Variants in SOX5 observed in about 807,000 individuals in gnomAD.
SOX5 encodes transcription factor SOX-5.
SOX5 carries 9 observed loss-of-function variants against 92.0 expected under a neutral mutation model. The observed-to-expected ratio is 0.10, with a 90% CI of 0.06 to 0.17. SOX5 has a LOEUF of 0.17. SOX5 is among the 10% of genes least tolerant of loss of function. The pLI is 1.00. For missense variants in SOX5, 642 were observed against 944.5 expected (o/e 0.68, Z 4.20); for synonymous variants, 344 against 336.3 (o/e 1.02, Z -0.25).
chr12:24,057,742 AT>A (rs199515083), intron 4 of SOX5, among the ~76,000 whole-genome samples: 2 of 145,898 alleles, frequency 1.4e-5, no homozygotes, highest in South Asian at 2.2e-4. Context: ...CTATAAATAC[AT>A]TTTTTTTCTT....
intron 2 of SOX5, among the ~76,000 whole-genome samples, chr12:24,277,803 T>C (rs1252777618): frequency 6.6e-6 from 1 of 152,036 alleles, no homozygotes; most frequent in South Asian, 2.1e-4. Flanking sequence ...GGTGTCCTCT[T>C]AGGTCTCTTC....
intron 3 of SOX5, among the ~76,000 whole-genome samples, chr12:23,810,506 A>G (rs1180029472): frequency 2.0e-5 from 3 of 152,164 alleles, no homozygotes; most frequent in African/African-American, 7.2e-5. Context: ...AGCTGACAGG[A>G]TTAATTTAAA....
chr12:23,578,101 C>G (rs1949461943), intron 9 of SOX5, among the ~76,000 whole-genome samples: 1 of 71,462 alleles, frequency 1.4e-5, no homozygotes, highest in African/African-American at 5.5e-5. Context: ...GCCTGCGCAA[C>G]AGAGTGAGAC....
At chr12:23,600,366 T>G (rs1277588643) in intron 9 of SOX5, among the ~76,000 whole-genome samples, 2 of 151,604 alleles carry the variant, frequency 1.3e-5, no homozygotes, top group African/African-American at 4.8e-5. Context: ...TGGAGTAAGA[T>G]CCAAAAGGGA....
chr12:24,218,107 A>G (rs1410399796), intron 3 of SOX5, among the ~76,000 whole-genome samples: 1 of 152,208 alleles, frequency 6.6e-6, no homozygotes, highest in East Asian at 1.9e-4. Context: ...AAAATGACCC[A>G]GCCATTCTAC....
At chr12:24,124,562 CAAAAAA>C (rs35701853) in intron 4 of SOX5, among the ~76,000 whole-genome samples, 2 of 133,666 alleles carry the variant, frequency 1.5e-5, no homozygotes, top group East Asian at 2.1e-4. Flanking sequence ...AGGAATGGGA[CAAAAAA>C]AAAAAAAGAA....
intron 3 of SOX5, among the ~76,000 whole-genome samples, chr12:24,255,417 G>A (rs76810625): frequency 0.023 from 3,497 of 152,174 alleles, 107 homozygotes; most frequent in African/African-American, 0.074. Flanking sequence ...TGGTTTACAC[G>A]TTTTTAGCAA....
At chr12:24,122,536 A>G (rs1948732496) in intron 4 of SOX5, among the ~76,000 whole-genome samples, 1 of 152,182 alleles carries the variant, frequency 6.6e-6, no homozygotes. Context: ...GGCGCATTAC[A>G]CTTGTTTTTG....
At chr12:24,359,317 A>G (rs1029084560) in intron 2 of SOX5, among the ~76,000 whole-genome samples, 5 of 152,174 alleles carry the variant, frequency 3.3e-5, no homozygotes, top group African/African-American at 1.2e-4. Flanking sequence ...ATTACTCATG[A>G]AGTTAAGGCT....
intron 10 of SOX5, among the ~76,000 whole-genome samples, chr12:23,573,596 G>A (rs1252695959): frequency 6.6e-6 from 1 of 152,152 alleles, no homozygotes; most frequent in Non-Finnish European, 1.5e-5. Flanking sequence ...TAAAAAAAGT[G>A]TAGTTGTTCT....
intron 1 of SOX5, among the ~76,000 whole-genome samples, chr12:24,488,117 C>G (rs958525748): frequency 4.6e-5 from 7 of 152,066 alleles, no homozygotes; most frequent in African/African-American, 1.7e-4. Context: ...GAAAAAAATG[C>G]TGACAGTTGA....
intron 2 of SOX5, among the ~76,000 whole-genome samples, chr12:23,869,400 C>A (rs1019297135): frequency 6.6e-6 from 1 of 152,130 alleles, no homozygotes; most frequent in Admixed American, 6.6e-5. Flanking sequence ...CTCTCCACCT[C>A]CACACACATT....
intron 8 of SOX5, among the ~76,000 whole-genome samples, chr12:23,625,794 A>C (rs546391249): frequency 1.7e-4 from 26 of 152,218 alleles, no homozygotes; most frequent in Non-Finnish European, 2.9e-4. Context: ...TTTTTAATAG[A>C]GATGGGGTTT....
At chr12:23,630,096 T>C (rs2078339914) in intron 8 of SOX5, among the ~76,000 whole-genome samples, 1 of 151,972 alleles carries the variant, frequency 6.6e-6, no homozygotes, top group Non-Finnish European at 1.5e-5. Flanking sequence ...AAAATATTTT[T>C]ATATGATTTA....
chr12:23,956,927 G>C (rs1946356866), intron 4 of SOX5, among the ~76,000 whole-genome samples: 1 of 152,022 alleles, frequency 6.6e-6, no homozygotes, highest in Non-Finnish European at 1.5e-5. Context: ...GCCTCCCAAA[G>C]TGCTGGGATG....
At chr12:23,708,460 G>C (rs925849426) in intron 6 of SOX5, among the ~76,000 whole-genome samples, 2 of 152,126 alleles carry the variant, frequency 1.3e-5, no homozygotes, top group African/African-American at 4.8e-5. Flanking sequence ...AAATTGAAGA[G>C]GGTCTTCAGT....
At chr12:23,978,713 A>G (rs967228794) in intron 4 of SOX5, among the ~76,000 whole-genome samples, 7 of 152,186 alleles carry the variant, frequency 4.6e-5, no homozygotes, top group African/African-American at 1.7e-4. Flanking sequence ...CTAGCTCTAA[A>G]TGATGTCATT....
intron 3 of SOX5, among the ~76,000 whole-genome samples, chr12:23,791,880 ACTT>A (rs1203815977): frequency 6.6e-6 from 1 of 151,620 alleles, no homozygotes; most frequent in East Asian, 1.9e-4. Context: ...AATAGGTATC[ACTT>A]TTTTGAAATA....
At chr12:24,030,813 TA>T (rs35230559) in intron 4 of SOX5, among the ~76,000 whole-genome samples, 2 of 151,840 alleles carry the variant, frequency 1.3e-5, no homozygotes, top group African/African-American at 4.8e-5. Context: ...GGTTAATATT[TA>T]AAATATATCA....
Sources: gnomAD v4.1 joint callset for allele counts (sites outside exome capture counted in the v4.1 genomes callset) on GRCh38, gnomAD v4.1.1 for gene constraint, MANE v1.5 for transcripts, NCBI Gene and HGNC (gene_info 2026-07-23, HGNC 2026-07-21) for gene names.